The following FIG4 variants were observed in gnomAD, a reference collection of about 807,000 sequenced individuals.
FIG4 encodes polyphosphoinositide phosphatase.
FIG4 carries 112 observed loss-of-function variants against 118.6 expected under a neutral mutation model. The ratio of observed to expected loss-of-function variants is 0.94; its 90% confidence interval spans 0.81 to 1.11. The LOEUF (loss-of-function observed/expected upper bound fraction) is 1.11, where lower values mean the gene tolerates loss of function less well. Among genes scored for constraint, FIG4 ranks in the 50% least tolerant of loss-of-function variants. The pLI is 0.00. For synonymous variants in FIG4, 369 were observed against 381.2 expected (o/e 0.97, Z 0.37); for missense variants, 969 against 1,111.7 (o/e 0.87, Z 1.83).
At chr6:109,736,198 A>G (rs1198497146) in intron 6 of FIG4, among the ~76,000 whole-genome samples, 2 of 152,162 alleles carry the variant, frequency 1.3e-5, no homozygotes, top group Non-Finnish European at 2.9e-5. Flanking sequence ...ATGTGGGTGC[A>G]GAGGTGCAGA....
chr6:109,769,997 C>T (rs1777409999), intron 15 of FIG4, among the ~76,000 whole-genome samples: 1 of 152,166 alleles, frequency 6.6e-6, no homozygotes, highest in South Asian at 2.1e-4. Flanking sequence ...TGTGGATGGA[C>T]TGATGCTATG....
At chr6:109,800,099 T>C (rs1441773040) in intron 22 of FIG4, among the ~76,000 whole-genome samples, 3 of 152,026 alleles carry the variant, frequency 2.0e-5, no homozygotes, top group Non-Finnish European at 4.4e-5. Context: ...AGAGAAGTTA[T>C]GTAACTTGCC....
At chr6:109,810,604 C>G (rs1161015959) in intron 22 of FIG4, among the ~76,000 whole-genome samples, 1 of 152,178 alleles carries the variant, frequency 6.6e-6, no homozygotes, top group African/African-American at 2.4e-5. Context: ...GACATTCTTC[C>G]TCCTGTGCTG....
At chr6:109,785,208 G>A (rs1777917881) in intron 17 of FIG4, among the ~76,000 whole-genome samples, 180 bp downstream of exon 17, 1 of 152,010 alleles carries the variant, frequency 6.6e-6, no homozygotes, top group Non-Finnish European at 1.5e-5. Context: ...CTTTTTAAAG[G>A]GCAGGAATTA....
chr6:109,821,362 A>T (rs769230234), intron 22 of FIG4, among the ~76,000 whole-genome samples: 1 of 152,268 alleles, frequency 6.6e-6, no homozygotes, highest in Non-Finnish European at 1.5e-5. Context: ...CTAATTTTGC[A>T]CAATAAGCAA....
At chr6:109,711,226 C>T (rs1244793006) in intron 1 of FIG4, among the ~76,000 whole-genome samples, 5 of 151,984 alleles carry the variant, frequency 3.3e-5, no homozygotes, top group Admixed American at 6.6e-5. Flanking sequence ...GGTGAAACCC[C>T]GTCTCTACTA....
chr6:109,802,227 C>G (rs978356625), intron 22 of FIG4, among the ~76,000 whole-genome samples: 1 of 152,124 alleles, frequency 6.6e-6, no homozygotes, highest in Non-Finnish European at 1.5e-5. Flanking sequence ...CTAATTACCT[C>G]TTTCTCCCCT....
chr6:109,713,732 G>A (rs1365536548), intron 1 of FIG4, among the ~76,000 whole-genome samples: 1 of 152,150 alleles, frequency 6.6e-6, no homozygotes, highest in African/African-American at 2.4e-5. Context: ...GGAAGCTGCA[G>A]TGGAGGGAGG....
chr6:109,765,280 A>G (rs1777248745), intron 14 of FIG4, 119 bp downstream of exon 14: 1 of 805,434 alleles, frequency 1.2e-6, no homozygotes, highest in East Asian at 2.7e-5. Flanking sequence ...ATGTTGCTAG[A>G]AAACATTATT....
chr6:109,814,158 A>G (rs1778795375), intron 22 of FIG4, among the ~76,000 whole-genome samples: 1 of 152,072 alleles, frequency 6.6e-6, no homozygotes, highest in Admixed American at 6.6e-5. Context: ...ATGTTTATTT[A>G]TTTATTTAAA....
At position 109,741,474 on chromosome 6, in the gene FIG4, T is replaced by C; in HGVS notation, c.806T>C (p.Val269Ala). ...TTGATCTATGGACGACCAGTGTATGTCACTCTAATAGCTAGAAGATCCAGT... is the reference window on the plus strand; with the variant it reads ...TTGATCTATGGACGACCAGTGTATGCCACTCTAATAGCTAGAAGATCCAGT... ...KLLIYGRPVYVTLIARRSSKF... is the reference protein window; with the variant it reads ...KLLIYGRPVYATLIARRSSKF... The change falls in exon 8 of 23, where the codon GTC becomes GCC. Residue 269 changes from valine to alanine, a missense_variant. By Grantham distance (64) the Val-to-Ala change is moderately conservative (BLOSUM62 0). Coordinates refer to ENST00000230124, the MANE Select transcript of FIG4 (RefSeq NM_014845.6). The C allele has an allele frequency of 6.2e-7, 1 of 1,613,272 alleles. No individual in the cohort carries two copies.
chr6:109,726,639 G>T (rs916577120), intron 3 of FIG4, among the ~76,000 whole-genome samples: 6 of 152,084 alleles, frequency 3.9e-5, no homozygotes, highest in Non-Finnish European at 8.8e-5. Context: ...TTCTAATTCT[G>T]CAAAGAAAGT....
chr6:109,695,601 G>GACACACACACACACACACACACAC (rs202167631), intron 1 of FIG4, among the ~76,000 whole-genome samples: 4 of 99,268 alleles, frequency 4.0e-5, no homozygotes, highest in South Asian at 2.9e-4. Flanking sequence ...CACACACACA[G>GACACACACACACACACACACACAC]ACACACACAC....
intron 16 of FIG4, among the ~76,000 whole-genome samples, chr6:109,780,962 T>C (rs1237755953): frequency 6.6e-6 from 1 of 152,256 alleles, no homozygotes; most frequent in Non-Finnish European, 1.5e-5. Flanking sequence ...GTTTAGAATG[T>C]CACCAAGATG....
rs143851710 is a variant in FIG4, at chr6:109,786,121, A to G, written c.1949-181A>G. On this transcript the variant is annotated intron_variant, in intron 17 of 22. Coordinates refer to ENST00000230124, the MANE Select transcript of FIG4 (RefSeq NM_014845.6). ...AACTCAGCTTTGCATTGTATTTTCT[A>G]TGCATCTATCTCATCTCCTTTCTAA... is the stretch of plus-strand genomic sequence containing the variant. The G allele has an allele frequency of 2.3e-4, 138 of 602,480 alleles. 1 individual carries two copies. In the East Asian group the frequency reaches 3.6e-3, roughly 16 times the overall value. 37.3% of individuals were successfully genotyped at this position (602,480 alleles called of 1,614,324 possible). A position where few individuals can be genotyped will look rare whatever the true frequency, so the allele number is the denominator to read the frequency against.
chr6:109,716,485 G>A lies in FIG4; in HGVS notation c.206G>A (p.Arg69His), dbSNP rs748211930. 1.1e-5 allele frequency: 18 copies of A among 1,613,552 alleles called. No homozygotes were observed. Among genetic ancestry groups the A allele is most frequent in the East Asian group, 4.5e-5 (2 of 44,866 alleles). ...TQQEVRELLG[R>H]LDLGNRTKMG... The stretch of plus-strand genomic sequence containing the variant: ...CAAGAAGTAAGGGAACTTCTTGGCC[G>A]CTTGGATCTTGGAAATAGAACAAAG... Residue 69 changes from arginine (R) to histidine (H), a missense_variant, in exon 3 of 23, where the codon CGC becomes CAC. By Grantham distance (29) the Arg-to-His change is conservative. Transcript: ENST00000230124.
chr6:109,719,566 T>G (rs1295204706), intron 3 of FIG4, among the ~76,000 whole-genome samples: 1 of 149,292 alleles, frequency 6.7e-6, no homozygotes, highest in East Asian at 2.0e-4. Context: ...TTTCTTTTCT[T>G]TTTTTTTTTA....
Position 109,791,770 on chromosome 6 carries a change from G to A in FIG4, c.2376+199G>A, listed in dbSNP as rs767670816. On this transcript the variant is annotated intron_variant, in intron 20 of 22. Coordinates refer to ENST00000230124, the MANE Select transcript of FIG4 (RefSeq NM_014845.6). Reference sequence around the variant, plus strand: ...CAAAATAAAATTGGTGTTTTTGCTCGCATGTGTAATGGTGAATTTCTGATC... The same window carrying A: ...CAAAATAAAATTGGTGTTTTTGCTCACATGTGTAATGGTGAATTTCTGATC... 9.9e-5 allele frequency among the ~76,000 whole-genome samples: 15 copies of A among 152,262 alleles called. 1 individual carries two copies. In the South Asian group the frequency reaches 1.0e-3, roughly 11 times the overall value.
chr6:109,717,690 A>G (rs2128381826), intron 3 of FIG4, among the ~76,000 whole-genome samples: 1 of 152,272 alleles, frequency 6.6e-6, no homozygotes, highest in East Asian at 1.9e-4. Context: ...AAATGCAGAG[A>G]AGAAAAGAGG....
Sources: gnomAD v4.1 joint callset for allele counts (sites outside exome capture counted in the v4.1 genomes callset) on GRCh38, gnomAD v4.1.1 for gene constraint, MANE v1.5 for transcripts, NCBI Gene and HGNC (gene_info 2026-07-23, HGNC 2026-07-21) for gene names.